CFAP58: variants seen among roughly 807,000 people sequenced by gnomAD.
CFAP58 encodes cilia and flagella associated protein 58, also known as cilia- and flagella-associated protein 58.
In CFAP58, 88 loss-of-function variants were observed where a neutral mutation model predicts 119.5. The observed-to-expected ratio is 0.74, with a 90% CI of 0.62 to 0.88. CFAP58 has a LOEUF of 0.88. CFAP58 is among the 40% of genes least tolerant of loss of function. The pLI, the probability that CFAP58 is intolerant of heterozygous loss-of-function variation, is 0.00. For missense variants in CFAP58, 990 were observed against 1,021.2 expected (o/e 0.97, Z 0.42); for synonymous variants, 365 against 366.3 (o/e 1.00, Z 0.04).
At chr10:104,430,656 A>C (rs2012830747) in intron 15 of CFAP58, among the ~76,000 whole-genome samples, 1 of 152,194 alleles carries the variant, frequency 6.6e-6, no homozygotes, top group Admixed American at 6.5e-5. Context: ...GTTTGCATTC[A>C]AATTAGGCAT....
At chr10:104,395,729 A>AT (rs1241130342) in intron 11 of CFAP58, among the ~76,000 whole-genome samples, 2 of 152,060 alleles carry the variant, frequency 1.3e-5, no homozygotes, top group African/African-American at 4.8e-5. Context: ...GAAAGGGCAG[A>AT]TTTTCTAGTA....
At chr10:104,390,358 G>A (rs1382668355) in intron 9 of CFAP58, among the ~76,000 whole-genome samples, 1 of 152,132 alleles carries the variant, frequency 6.6e-6, no homozygotes, top group Non-Finnish European at 1.5e-5. Context: ...AAAGGAAAGT[G>A]CATTAAGAGT....
In CFAP58 at chr10:104,450,088, G is replaced by A. The variant is rs369127375; in HGVS notation, c.2394G>A (p.Leu798=). 1.9e-6 allele frequency: 3 copies of A among 1,600,834 alleles called. No individual in the cohort carries two copies. The Admixed American group carries it at 5.3e-5, about 28-fold the overall frequency. ...KQQLKVLSSE[L]NMYEVQSKEY... ...CATGTTAGGTTTTGTCTTCAGAATT[G>A]AATATGTATGAAGTACAGAGCAAAG... The change falls in exon 17 of 18, where the codon TTG becomes TTA. Residue 798 remains leucine (L), a synonymous_variant. Transcript: ENST00000369704.
At chr10:104,354,886 C>T (rs1485991292) in intron 1 of CFAP58, among the ~76,000 whole-genome samples, 4 of 152,206 alleles carry the variant, frequency 2.6e-5, no homozygotes, top group Admixed American at 2.0e-4. Flanking sequence ...CTTTCAGCAC[C>T]ATCGTGCTCC....
intron 9 of CFAP58, among the ~76,000 whole-genome samples, chr10:104,387,112 A>G (rs914067921): frequency 1.3e-5 from 2 of 152,248 alleles, no homozygotes; most frequent in Admixed American, 6.5e-5. Flanking sequence ...TGGATGGCTC[A>G]GAATCCCAAA....
At position 104,384,093 on chromosome 10, in the gene CFAP58, A is replaced by G. The variant is rs528220499; in HGVS notation, c.1365+3873A>G. Among the ~76,000 whole-genome samples, 23 of 152,358 alleles carry G rather than the reference A, an allele frequency of 1.5e-4. No homozygotes were observed. The South Asian group carries it at 4.6e-3, about 30-fold the overall frequency. ...AAATTGTGTTACATTTATTTGACAT[A>G]GTATTATGTAGCTGTTAAAATCATG... On this transcript the variant is annotated intron_variant, in intron 9 of 17. Coordinates refer to ENST00000369704, the MANE Select transcript of CFAP58 (RefSeq NM_001008723.2).
At chr10:104,374,439 A>C (rs915916954) in intron 7 of CFAP58, among the ~76,000 whole-genome samples, 6 of 134,242 alleles carry the variant, frequency 4.5e-5, no homozygotes, top group Admixed American at 8.1e-5. Context: ...TGACAGAGCG[A>C]GACCTTGTTT....
At chr10:104,414,890 ACT>A (rs2012524067) in intron 15 of CFAP58, among the ~76,000 whole-genome samples, 1 of 151,732 alleles carries the variant, frequency 6.6e-6, no homozygotes, top group Admixed American at 6.6e-5. Context: ...TATTTTATAA[ACT>A]CTTCGAAAAC....
At chr10:104,353,110 A>G (rs927942544), upstream of CFAP58, 2 of 152,156 alleles carry the variant, frequency 1.3e-5, no homozygotes, top group African/African-American at 4.8e-5. Flanking sequence ...TATTTCAACT[A>G]TTTGTACCTG....
chr10:104,404,759 A>G (rs1239568644), intron 14 of CFAP58, among the ~76,000 whole-genome samples: 5 of 152,074 alleles, frequency 3.3e-5, no homozygotes, highest in East Asian at 3.9e-4. Flanking sequence ...ACAGGCGTCC[A>G]CCACCATGCC....
At chr10:104,351,338 C>T (rs12250794), upstream of CFAP58, among the ~76,000 whole-genome samples, 5,999 of 152,292 alleles carry the variant, frequency 0.039, 394 homozygotes, top group African/African-American at 0.13. Context: ...CAACCCAACA[C>T]AGTTCTCATA....
At chr10:104,428,718 T>C (rs572828884) in intron 15 of CFAP58, among the ~76,000 whole-genome samples, 1 of 152,282 alleles carries the variant, frequency 6.6e-6, no homozygotes, top group African/African-American at 2.4e-5. Flanking sequence ...GGTGTGTGTC[T>C]GCGTATGTTG....
chr10:104,450,669 T>TTTTATTTATTTATTTATTTA (rs3069011), intron 17 of CFAP58, among the ~76,000 whole-genome samples: 2 of 143,292 alleles, frequency 1.4e-5, no homozygotes, highest in East Asian at 2.1e-4. Flanking sequence ...TTCACCTATG[T>TTTTATTTATTTATTTATTTA]TTTATTTATT....
rs577669234 is a variant in CFAP58, at chr10:104,448,852, A to T, written c.2376+1035A>T. Among the ~76,000 whole-genome samples the T allele has an allele frequency of 5.2e-5, 8 of 152,386 alleles. No homozygotes were observed. The South Asian group carries it at 6.2e-4, about 12-fold the overall frequency. ...TTAAACAATTGAATATTTTGAACAA[A>T]ACAAATTATTTTCTTGTTTTCTCAG... On this transcript the variant is annotated intron_variant, in intron 16 of 17. Coordinates refer to ENST00000369704, the MANE Select transcript of CFAP58 (RefSeq NM_001008723.2).
In CFAP58 at chr10:104,427,747, A is replaced by G. The variant is rs1274687113; in HGVS notation, c.2257-19951A>G. Among the ~76,000 whole-genome samples the G allele has an allele frequency of 4.6e-5, 7 of 152,196 alleles. No homozygotes were observed. In the East Asian group the frequency reaches 1.3e-3, roughly 29 times the overall value. On this transcript the variant is annotated intron_variant, in intron 15 of 17. Transcript: ENST00000369704. ...CAAAATTCTGTTCAGCTAGAACATT[A>G]TCTTTGCCCCTTCCCCAGAAGCACA...
At chr10:104,441,822 C>A (rs1000729380) in intron 15 of CFAP58, among the ~76,000 whole-genome samples, 8 of 152,186 alleles carry the variant, frequency 5.3e-5, no homozygotes, top group Non-Finnish European at 2.9e-5. Flanking sequence ...ATTTCCTGTC[C>A]TCTCTAGGGG....
At chr10:104,389,153 C>T (rs573603966) in intron 9 of CFAP58, among the ~76,000 whole-genome samples, 3 of 152,226 alleles carry the variant, frequency 2.0e-5, no homozygotes, top group Non-Finnish European at 2.9e-5. Flanking sequence ...ATGACTTTGG[C>T]CTGAATGATT....
intron 8 of CFAP58, 68 bp from the exon 9 acceptor site, chr10:104,379,961 A>AG (rs1482085271): frequency 7.9e-7 from 1 of 1,268,538 alleles, no homozygotes; most frequent in Non-Finnish European, 1.1e-6. Context: ...GATGAGGCAG[A>AG]GGGTAAACTT....
the CFAP58 span, among the ~76,000 whole-genome samples, chr10:104,347,789 G>A: frequency 6.6e-6 from 1 of 152,178 alleles, no homozygotes; most frequent in East Asian, 1.9e-4. Flanking sequence ...GAATCCAAGA[G>A]AGCAGGTGTT....
Sources: allele counts gnomAD v4.1 joint callset (sites outside exome capture counted in the v4.1 genomes callset), GRCh38; gene constraint gnomAD v4.1.1; transcripts MANE v1.5; gene names NCBI Gene and HGNC (gene_info 2026-07-23, HGNC 2026-07-21).